Variants in SSH2 observed in about 807,000 individuals in gnomAD.
SSH2 encodes slingshot protein phosphatase 2.
A neutral mutation model predicts 135.2 loss-of-function variants in SSH2; 37 were observed. That is an observed-to-expected ratio of 0.27 (90% CI 0.21 to 0.36). The LOEUF is 0.36. Among genes scored for constraint, SSH2 ranks in the 10% least tolerant of loss-of-function variants. SSH2 has a pLI of 1.00. For synonymous variants in SSH2, 628 were observed against 646.2 expected (o/e 0.97, Z 0.43); for missense variants, 1,408 against 1,765.3 (o/e 0.80, Z 3.63).
chr17:29,858,993 T>A (rs185347547), intron 1 of SSH2, among the ~76,000 whole-genome samples: 1 of 152,344 alleles, frequency 6.6e-6, no homozygotes, highest in East Asian at 1.9e-4. Flanking sequence ...AAGGTCAGCC[T>A]CAGAAGAAAT....
chr17:29,761,463 C>G (rs912075002), intron 3 of SSH2: 2 of 994,246 alleles, frequency 2.0e-6, no homozygotes, highest in Non-Finnish European at 2.4e-6. Flanking sequence ...CGCCCCCACC[C>G]GCGTCCGGGG....
At chr17:29,665,194 G>C (rs907012994) in intron 11 of SSH2, among the ~76,000 whole-genome samples, 1 of 152,160 alleles carries the variant, frequency 6.6e-6, no homozygotes, top group Non-Finnish European at 1.5e-5. Flanking sequence ...AATCCTTGTG[G>C]AAGTATATGT....
chr17:29,633,056 G>T, intron 15 of SSH2, 125 bp from the exon 16 acceptor site: 1 of 862,578 alleles, frequency 1.2e-6, no homozygotes, highest in Non-Finnish European at 1.8e-6. Flanking sequence ...AAATCATGGA[G>T]TGCCTGGGAC....
At chr17:29,657,679 T>G (rs1028539810) in intron 11 of SSH2, among the ~76,000 whole-genome samples, 5 of 140,072 alleles carry the variant, frequency 3.6e-5, no homozygotes, top group African/African-American at 1.0e-4. Context: ...CAAACCATCC[T>G]CCTGCCTCAG....
At chr17:29,679,266 T>C (rs1567870163) in intron 6 of SSH2, among the ~76,000 whole-genome samples, 2 of 152,174 alleles carry the variant, frequency 1.3e-5, no homozygotes, top group Admixed American at 1.3e-4. Flanking sequence ...CATGGTGTAC[T>C]AGAAAGAATC....
chr17:29,741,508 G>T (rs1436807102), intron 3 of SSH2, among the ~76,000 whole-genome samples: 1 of 152,010 alleles, frequency 6.6e-6, no homozygotes, highest in Non-Finnish European at 1.5e-5. Flanking sequence ...CCAGTTAAAA[G>T]GATATGAAAG....
chr17:29,837,221 C>T (rs555012523), intron 2 of SSH2, among the ~76,000 whole-genome samples: 7 of 150,858 alleles, frequency 4.6e-5, no homozygotes, highest in South Asian at 2.1e-4. Flanking sequence ...CATGCCACTG[C>T]ACTCCAGCCT....
intron 3 of SSH2, among the ~76,000 whole-genome samples, chr17:29,763,495 TAA>T (rs541851534): frequency 5.2e-4 from 70 of 135,408 alleles, no homozygotes; most frequent in Admixed American, 7.4e-4. Flanking sequence ...CTGCTGTGAT[TAA>T]AAAAAAAAAA....
chr17:29,828,939 AC>A (rs1381996194), intron 2 of SSH2, among the ~76,000 whole-genome samples: 1 of 152,200 alleles, frequency 6.6e-6, no homozygotes, highest in South Asian at 2.1e-4. Flanking sequence ...AAAGTAAGCA[AC>A]CCTTCTGCTT....
chr17:29,842,981 C>A (rs1254883128), intron 2 of SSH2, among the ~76,000 whole-genome samples: 1 of 152,174 alleles, frequency 6.6e-6, no homozygotes, highest in African/African-American at 2.4e-5. Flanking sequence ...CTTTTTCCCC[C>A]CTTTTTCTAT....
chr17:29,733,377 A>G (rs1042816700), intron 3 of SSH2, among the ~76,000 whole-genome samples: 5 of 152,242 alleles, frequency 3.3e-5, no homozygotes, highest in Admixed American at 1.3e-4. Context: ...AACATATTGA[A>G]AGAATGCAGT....
chr17:29,761,632 A>G (rs946963865), intron 3 of SSH2, among the ~76,000 whole-genome samples: 3 of 152,102 alleles, frequency 2.0e-5, no homozygotes, highest in Non-Finnish European at 4.4e-5. Flanking sequence ...GAAGCTACTC[A>G]AGGGTGGACG....
At chr17:29,690,565 C>T (rs2038426416) in intron 5 of SSH2, among the ~76,000 whole-genome samples, 1 of 151,966 alleles carries the variant, frequency 6.6e-6, no homozygotes, top group African/African-American at 2.4e-5. Flanking sequence ...CCCAATCCAT[C>T]AGAGAGAAAG....
chr17:29,923,685 G>T (rs1449648744), intron 1 of SSH2, among the ~76,000 whole-genome samples: 5 of 151,640 alleles, frequency 3.3e-5, no homozygotes, highest in African/African-American at 1.2e-4. Flanking sequence ...ATAATGGAAT[G>T]GAAAGGTTAG....
chr17:29,635,924 GA>G, intron 15 of SSH2, 43 bp downstream of exon 15: 1 of 1,403,756 alleles, frequency 7.1e-7, no homozygotes, highest in Non-Finnish European at 9.9e-7. Flanking sequence ...ATTTACCTTT[GA>G]AGAGAACTTC....
intron 1 of SSH2, among the ~76,000 whole-genome samples, chr17:29,854,529 A>G (rs991436208): frequency 6.6e-6 from 1 of 151,868 alleles, no homozygotes; most frequent in Non-Finnish European, 1.5e-5. Context: ...ATAGTAATAA[A>G]ATGTTGCAAT....
chr17:29,663,320 C>G (rs983846166), intron 11 of SSH2, among the ~76,000 whole-genome samples: 2 of 152,178 alleles, frequency 1.3e-5, no homozygotes, highest in African/African-American at 4.8e-5. Context: ...TGAGATGACT[C>G]TGCAGAAAAT....
intron 6 of SSH2, among the ~76,000 whole-genome samples, chr17:29,681,365 A>T (rs1408957121): frequency 1.5e-5 from 2 of 137,414 alleles, no homozygotes; most frequent in African/African-American, 2.6e-5. Flanking sequence ...AAAAAAAAGT[A>T]GCTTTTTCAC....
intron 3 of SSH2, among the ~76,000 whole-genome samples, chr17:29,723,486 T>C (rs1030956170): frequency 6.6e-6 from 1 of 152,070 alleles, no homozygotes; most frequent in Non-Finnish European, 1.5e-5. Flanking sequence ...AAAATGGCAA[T>C]AGGGAAGCTG....
Sources: gnomAD v4.1 joint callset for allele counts (sites outside exome capture counted in the v4.1 genomes callset) on GRCh38, gnomAD v4.1.1 for gene constraint, MANE v1.5 for transcripts, NCBI Gene and HGNC (gene_info 2026-07-23, HGNC 2026-07-21) for gene names.